PRKCB: variants seen among roughly 807,000 people sequenced by gnomAD.
PRKCB encodes the protein protein kinase C beta type.
In PRKCB, 13 loss-of-function variants were observed where a neutral mutation model predicts 81.5. That is an observed-to-expected ratio of 0.16 (90% confidence interval 0.10 to 0.25). The LOEUF is 0.25. Ranked by LOEUF, PRKCB falls within the 10% of genes least tolerant of loss-of-function variation. The pLI is 1.00. For synonymous variants in PRKCB, 335 were observed against 321.4 expected (o/e 1.04, Z -0.45); for missense variants, 509 against 875.7 (o/e 0.58, Z 5.29).
At chr16:24,076,812 G>A (rs1159353331) in intron 5 of PRKCB, among the ~76,000 whole-genome samples, 1 of 152,196 alleles carries the variant, frequency 6.6e-6, no homozygotes, top group Non-Finnish European at 1.5e-5. Context: ...GCAGAGTTTA[G>A]AATAACAGGC....
intron 2 of PRKCB, among the ~76,000 whole-genome samples, chr16:23,844,629 TC>T (rs1453571486): frequency 2.6e-5 from 4 of 151,946 alleles, no homozygotes; most frequent in Non-Finnish European, 4.4e-5. Context: ...TGCCTCAGCC[TC>T]CCGAGTAGCT....
At chr16:24,081,341 G>A (rs1469533468) in intron 5 of PRKCB, among the ~76,000 whole-genome samples, 2 of 151,850 alleles carry the variant, frequency 1.3e-5, no homozygotes, top group African/African-American at 4.8e-5. Flanking sequence ...ATCAATTGAT[G>A]CAGAAAAAAT....
chr16:23,859,677 G>GGGGAGAAGCAAGA, intron 2 of PRKCB, among the ~76,000 whole-genome samples: 1 of 152,214 alleles, frequency 6.6e-6, no homozygotes, highest in East Asian at 1.9e-4. Flanking sequence ...AGTGAGGTGC[G>GGGGAGAAGCAAGA]GGGAGAAGCA....
In PRKCB at chr16:24,050,466, A is replaced by AACAC. The variant is rs3051483; in HGVS notation, c.529+14942_529+14945dup. On this transcript the variant is annotated intron_variant, in intron 5 of 16. Transcript: ENST00000643927. ...CTTCCAGCCCATCTAGGTTTTATGT[A>AACAC]ACACACACACACACACACACACACA... is the stretch of plus-strand genomic sequence containing the variant. Among the ~76,000 whole-genome samples, 1,126 of 149,370 alleles carry AACAC rather than the reference A, an allele frequency of 7.5e-3. 5 individuals are homozygous for AACAC. The highest frequency in any genetic ancestry group is 0.017 in the African/African-American group (675 of 40,904).
intron 7 of PRKCB, among the ~76,000 whole-genome samples, chr16:24,102,491 T>A (rs1966521224): frequency 6.6e-6 from 1 of 152,224 alleles, no homozygotes; most frequent in Non-Finnish European, 1.5e-5. Context: ...TAGAAGGGGA[T>A]GGGCTCCATC....
chr16:24,204,071 A>G (rs1212117087), intron 16 of PRKCB, among the ~76,000 whole-genome samples: 1 of 152,090 alleles, frequency 6.6e-6, no homozygotes, highest in African/African-American at 2.4e-5. Flanking sequence ...TTCAAGCCAG[A>G]GCACAGCCCT....
chr16:24,096,079 C>T (rs190561579), intron 7 of PRKCB, among the ~76,000 whole-genome samples: 1 of 152,162 alleles, frequency 6.6e-6, no homozygotes, highest in East Asian at 1.9e-4. Flanking sequence ...GGGTGGATCA[C>T]GAGATCGGGA....
chr16:23,837,213 A>G (rs1597201926), intron 1 of PRKCB, 162 bp from the exon 2 acceptor site: 9 of 832,096 alleles, frequency 1.1e-5, no homozygotes, highest in South Asian at 8.2e-5. Flanking sequence ...CCGAGCTCCC[A>G]CCTACCCCCA....
At chr16:24,148,843 G>A (rs185445707) in intron 9 of PRKCB, among the ~76,000 whole-genome samples, 8 of 152,248 alleles carry the variant, frequency 5.3e-5, no homozygotes, top group Non-Finnish European at 1.0e-4. Context: ...AGACCGCCCT[G>A]CAAAGCCTAT....
In PRKCB at chr16:23,934,318, G is replaced by GT. The variant is rs3073130; in HGVS notation, c.206-54172dup. Reference sequence around the variant, plus strand: ...TTTTTAGGCATTGAGGAAAAAAGCTGTTTTTTTTTTTTTTTTTTGACATTA... The same window carrying GT: ...TTTTTAGGCATTGAGGAAAAAAGCTGTTTTTTTTTTTTTTTTTTTGACATTA... On this transcript the variant is annotated intron_variant, in intron 2 of 16. Coordinates refer to ENST00000643927, the MANE Select transcript of PRKCB (RefSeq NM_002738.7). 4.8e-3 allele frequency among the ~76,000 whole-genome samples: 644 copies of GT among 135,074 alleles called. 1 individual carries two copies. The highest frequency in any genetic ancestry group is 0.018 in the East Asian group (83 of 4,562). The allele number at this position is 135,074 out of a possible 152,430, so 88.6% of individuals were successfully genotyped here. A position where few individuals can be genotyped will look rare whatever the true frequency, so the allele number is the denominator to read the frequency against.
chr16:23,844,668 C>T (rs939770160), intron 2 of PRKCB, among the ~76,000 whole-genome samples: 14 of 151,984 alleles, frequency 9.2e-5, no homozygotes, highest in South Asian at 4.2e-4. Context: ...CCACCTCGCC[C>T]GGCTAATTTT....
intron 2 of PRKCB, among the ~76,000 whole-genome samples, chr16:23,987,410 G>T (rs185564356): frequency 9.2e-5 from 12 of 130,230 alleles, no homozygotes; most frequent in Admixed American, 7.6e-4. Context: ...GTGGGGGGGG[G>T]TGTGTTTGCT....
intron 2 of PRKCB, among the ~76,000 whole-genome samples, chr16:23,936,857 A>C (rs1220120292): frequency 1.3e-5 from 2 of 152,132 alleles, no homozygotes; most frequent in African/African-American, 4.8e-5. Flanking sequence ...CCAATGCATC[A>C]CTTCAGATGT....
At chr16:23,918,136 T>A (rs112729563) in intron 2 of PRKCB, among the ~76,000 whole-genome samples, 4,741 of 152,114 alleles carry the variant, frequency 0.031, 118 homozygotes, top group African/African-American at 0.06. Context: ...GCAGTTTGAC[T>A]TGGGGATGGG....
intron 2 of PRKCB, among the ~76,000 whole-genome samples, chr16:23,844,090 A>G (rs1196504859): frequency 6.6e-6 from 1 of 152,252 alleles, no homozygotes; most frequent in Non-Finnish European, 1.5e-5. Context: ...AATTTAAAAT[A>G]TATGGTCTGG....
chr16:23,952,885 G>C (rs1964301575), intron 2 of PRKCB, among the ~76,000 whole-genome samples: 1 of 152,208 alleles, frequency 6.6e-6, no homozygotes, highest in East Asian at 1.9e-4. Context: ...GGAGTGTTTG[G>C]ATACCATGCC....
At chr16:24,017,539 G>A (rs555867467) in intron 3 of PRKCB, among the ~76,000 whole-genome samples, 1 of 151,988 alleles carries the variant, frequency 6.6e-6, no homozygotes, top group East Asian at 1.9e-4. Flanking sequence ...TGCGTTATAC[G>A]TTGAAAAAAG....
rs116113188 is a variant in PRKCB at position 23,997,664 on chromosome 16, T to C, written c.288+9074T>C. 5.2e-3 allele frequency among the ~76,000 whole-genome samples: 793 copies of C among 152,354 alleles called. 8 individuals are homozygous for C. Among genetic ancestry groups the C allele is most frequent in the African/African-American group, 0.018 (763 of 41,582 alleles). Reference sequence around the variant, plus strand: ...TCTTTATCATGTAACGTAAGATGTATTGACTTTATATCAGTATTTTTATGT... The same window carrying C: ...TCTTTATCATGTAACGTAAGATGTACTGACTTTATATCAGTATTTTTATGT... On this transcript the variant is annotated intron_variant, in intron 3 of 16. Transcript: ENST00000643927.
At position 24,214,750 on chromosome 16, in the gene PRKCB, C is replaced by T; in HGVS notation, c.1956C>T (p.Asp652=). Residue 652 remains aspartate (D), a synonymous_variant, in exon 17 of 17, where the codon GAC becomes GAT. Coordinates refer to ENST00000643927, the MANE Select transcript of PRKCB (RefSeq NM_002738.7). ...ACCAGGAAGTCATCAGGAATATTGA[C>T]CAATCAGAATTCGAAGGATTTTCCT... ...PPDQEVIRNI[D]QSEFEGFSFV... is the part of the protein sequence containing the mutation. 6.2e-7 allele frequency: 1 copy of T among 1,614,182 alleles called. No individual in the cohort carries two copies. Among genetic ancestry groups the T allele is most frequent in the Non-Finnish European group, 8.5e-7 (1 of 1,180,020 alleles).
Sources: allele counts gnomAD v4.1 joint callset (sites outside exome capture counted in the v4.1 genomes callset), GRCh38; gene constraint gnomAD v4.1.1; transcripts MANE v1.5; gene names NCBI Gene and HGNC (gene_info 2026-07-23, HGNC 2026-07-21).